The following AMELX variants were observed in gnomAD, a reference collection of about 807,000 sequenced individuals.
AMELX encodes amelogenin, X isoform.
In AMELX, 9 loss-of-function variants were observed where a neutral mutation model predicts 15.8. That is an observed-to-expected ratio of 0.57 (90% CI 0.34 to 0.99). The LOEUF (loss-of-function observed/expected upper bound fraction) is 0.99, where lower values mean the gene tolerates loss of function less well. Ranked by LOEUF, AMELX falls within the 50% of genes least tolerant of loss-of-function variation. The pLI, the probability that AMELX is intolerant of heterozygous loss-of-function variation, is 0.02. For missense variants in AMELX, 107 were observed against 156.2 expected, an observed-to-expected ratio of 0.68 and a Z score of 1.68; for synonymous variants, 61 against 58.8, an observed-to-expected ratio of 1.04 and a Z score of -0.17.
chrX:11,295,455 T>A (rs2048068647), intron 2 of AMELX, among the ~76,000 whole-genome samples: 1 of 111,604 alleles, frequency 9.0e-6, no homozygotes, highest in Non-Finnish European at 1.9e-5. Context: ...TATTTTATAT[T>A]CAAATGTATT....
intron 2 of AMELX, among the ~76,000 whole-genome samples, chrX:11,295,242 A>G (rs757918555): frequency 2.7e-5 from 3 of 111,170 alleles, no homozygotes; most frequent in Non-Finnish European, 3.8e-5. Context: ...CTAAAACCCA[A>G]TTCCTCTCAA....
the AMELX span, among the ~76,000 whole-genome samples, chrX:11,308,017 G>A: frequency 1.4e-4 from 16 of 112,170 alleles, no homozygotes; most frequent in Non-Finnish European, 2.6e-4. Context: ...TAAATAATTC[G>A]TATATATTTT....
Position 11,294,810 on chromosome X carries a change from G to C in AMELX, c.22G>C (p.Ala8Pro), listed in dbSNP as rs2048053996. Residue 8 changes from alanine (A) to proline (P), a missense_variant, in exon 2 of 6, where the codon GCC (alanine) becomes CCC (proline). Transcript: ENST00000380714. ...AGAAATGGGGACCTGGATTTTATTT[G>C]CCTGCCTCCTGGGAGCAGCTTTTGC... MGTWILF[A>P]CLLGAAFAMP... 8.3e-7 allele frequency: 1 copy of C among 1,210,058 alleles called. No homozygotes were observed. The highest frequency in any genetic ancestry group is 1.1e-6 in the Non-Finnish European group (1 of 895,199).
At chrX:11,296,669 C>T in intron 2 of AMELX, 110 bp from the exon 3 acceptor site, 1 of 893,946 alleles carries the variant, frequency 1.1e-6, no homozygotes, top group Non-Finnish European at 1.6e-6. Context: ...GCTTCAGTCT[C>T]CTTTAATGTG....
At chrX:11,298,170 A>C (rs773161383) in intron 3 of AMELX, 66 bp from the exon 4 acceptor site, 2 of 1,206,232 alleles carry the variant, frequency 1.7e-6, no homozygotes, top group Admixed American at 2.2e-5. Flanking sequence ...CTACTGCATC[A>C]GTGAGTTTCT....
chrX:11,298,051 C>T (rs1420298573), intron 3 of AMELX, 185 bp from the exon 4 acceptor site: 1 of 1,130,025 alleles, frequency 8.8e-7, no homozygotes, highest in South Asian at 1.8e-5. Flanking sequence ...AACACAGTGC[C>T]TGTCACACAG....
At chrX:11,300,769 C>A (rs1202404564), downstream of AMELX, 3 of 512,136 alleles carry the variant, frequency 5.9e-6, no homozygotes, top group Non-Finnish European at 9.9e-6. Context: ...TCATTCATGT[C>A]TTTGTGTTGA....
chrX:11,299,596 C>T (rs1436520177), intron 5 of AMELX, among the ~76,000 whole-genome samples: 5 of 112,201 alleles, frequency 4.5e-5, no homozygotes, highest in Non-Finnish European at 9.4e-5. Context: ...ACTAAATCTT[C>T]CATTACAGGT....
At chrX:11,296,693 T>C in intron 2 of AMELX, 86 bp from the exon 3 acceptor site, 2 of 1,031,122 alleles carry the variant, frequency 1.9e-6, no homozygotes, top group Non-Finnish European at 2.7e-6. Flanking sequence ...AATTGCATAC[T>C]GACTTAATCT....
chrX:11,294,771 T>C lies in AMELX; in HGVS notation c.-12-6T>C. 8.3e-7 allele frequency: 1 copy of C among 1,211,033 alleles called. No homozygotes were observed. The highest frequency in any genetic ancestry group is 1.1e-6 in the Non-Finnish European group (1 of 894,723). ...TAAGAAAAGTGGATGTTGACTTACA[T>C]TTCAGAACCATCAAGAAATGGGGAC... On this transcript the variant is annotated splice_region_variant and splice_polypyrimidine_tract_variant and intron_variant, in intron 1 of 5. Coordinates refer to ENST00000380714, the MANE Select transcript of AMELX (RefSeq NM_001142.2).
downstream of AMELX, among the ~76,000 whole-genome samples, chrX:11,301,637 A>G (rs892107144): frequency 1.8e-5 from 2 of 111,970 alleles, no homozygotes; most frequent in African/African-American, 6.5e-5. Flanking sequence ...TTTAGATTCA[A>G]TTTTTTAAAG....
At chrX:11,307,313 T>C in the AMELX span, among the ~76,000 whole-genome samples, 1 of 110,187 alleles carries the variant, frequency 9.1e-6, no homozygotes, top group African/African-American at 3.3e-5. Context: ...TACCATGACA[T>C]TGAAGCAGAA....
At chrX:11,300,964 C>T (rs1315562017), downstream of AMELX, among the ~76,000 whole-genome samples, 3 of 111,818 alleles carry the variant, frequency 2.7e-5, no homozygotes, top group Non-Finnish European at 5.7e-5. Flanking sequence ...AAAGTTTATA[C>T]ATCAGTTAAA....
chrX:11,298,461 T>C (rs2048121318), intron 4 of AMELX, 87 bp from the exon 5 acceptor site: 2 of 1,172,180 alleles, frequency 1.7e-6, no homozygotes, highest in Non-Finnish European at 2.3e-6. Flanking sequence ...AATATTCCTA[T>C]AGCCATAATG....
At chrX:11,301,547 T>C (rs1310561397), downstream of AMELX, among the ~76,000 whole-genome samples, 1 of 112,191 alleles carries the variant, frequency 8.9e-6, no homozygotes, top group African/African-American at 3.2e-5. Context: ...TTAAGGCCCC[T>C]TAATCATTTT....
At chrX:11,300,357 C>T (rs2048155443) in intron 5 of AMELX, among the ~76,000 whole-genome samples, 1 of 111,280 alleles carries the variant, frequency 9.0e-6, no homozygotes, top group African/African-American at 3.3e-5. Context: ...GACGTACCCC[C>T]CAAAAAGGTA....
At chrX:11,296,618 A>G (rs2048088598) in intron 2 of AMELX, among the ~76,000 whole-genome samples, 161 bp from the exon 3 acceptor site, 1 of 111,644 alleles carries the variant, frequency 9.0e-6, no homozygotes, top group South Asian at 3.8e-4. Flanking sequence ...CTAAAAACAG[A>G]CCTCAAGTAT....
At chrX:11,303,059 C>G (rs1228659283), downstream of AMELX, among the ~76,000 whole-genome samples, 3 of 112,367 alleles carry the variant, frequency 2.7e-5, no homozygotes, top group East Asian at 8.4e-4. Context: ...CCAAGAGATC[C>G]TAGTATGAAC....
intron 2 of AMELX, 75 bp from the exon 3 acceptor site, chrX:11,296,704 C>G: frequency 1.4e-4 from 148 of 1,024,002 alleles, no homozygotes; most frequent in Non-Finnish European, 1.8e-4. Flanking sequence ...GACTTAATCT[C>G]TTCCTCTCTC....
Sources: allele counts gnomAD v4.1 joint callset (sites outside exome capture counted in the v4.1 genomes callset), GRCh38; gene constraint gnomAD v4.1.1; transcripts MANE v1.5; gene names NCBI Gene and HGNC (gene_info 2026-07-23, HGNC 2026-07-21).